The following ICAM2 variants were observed in gnomAD, a reference collection of about 807,000 sequenced individuals.
ICAM2 encodes intercellular adhesion molecule 2.
A neutral mutation model predicts 19.1 loss-of-function variants in ICAM2; 14 were observed. The ratio of observed to expected loss-of-function variants is 0.73; its 90% CI spans 0.48 to 1.15. ICAM2 has a LOEUF of 1.15. Ranked by LOEUF, ICAM2 falls within the 50% of genes most tolerant of loss-of-function variation. The pLI is 0.00. For missense variants in ICAM2, 311 were observed against 355.4 expected (o/e 0.88, Z 1.00); for synonymous variants, 153 against 152.7 (o/e 1.00, Z -0.01).
Position 64,003,872 on chromosome 17 carries a change from G to C in ICAM2, c.421C>G (p.Pro141Ala), listed in dbSNP as rs770462917. ...AGGAAGAGGGTGAGGCTGTCCAGGG[G>C]CTCCACGGTGGGCACCCTGCACTCA... is the stretch of plus-strand genomic sequence containing the variant. ...TIECRVPTVE[P>A]LDSLTLFLFR... The change falls in exon 4 of 5, where the codon CCC (proline) becomes GCC (alanine). Residue 141 changes from proline (P) to alanine (A), a missense_variant. Coordinates refer to ENST00000579788, the MANE Select transcript of ICAM2 (RefSeq NM_001099789.2). 1.2e-6 allele frequency: 2 copies of C among 1,614,220 alleles called. No homozygotes were observed. Among genetic ancestry groups the C allele is most frequent in the Non-Finnish European group, 1.7e-6 (2 of 1,180,024 alleles).
At chr17:64,018,315 C>T (rs1262566101) in intron 1 of ICAM2, among the ~76,000 whole-genome samples, 10 of 102,740 alleles carry the variant, frequency 9.7e-5, no homozygotes, top group Admixed American at 3.3e-4. Flanking sequence ...GCCTGGGTGA[C>T]AGAGTGAGAC....
Position 64,002,685 on chromosome 17 carries a change from C to T in ICAM2, c.*62G>A, listed in dbSNP as rs772776029. The T allele has an allele frequency of 6.7e-6, 10 of 1,490,502 alleles. No individual in the cohort carries two copies. Among genetic ancestry groups the T allele is most frequent in the Non-Finnish European group, 9.2e-6 (10 of 1,087,028 alleles). The allele number at this position is 1,490,502 out of a possible 1,614,324, so 92.3% of individuals were successfully genotyped here. On this transcript the variant is annotated 3_prime_UTR_variant, in exon 5 of 5. Coordinates refer to ENST00000579788, the MANE Select transcript of ICAM2 (RefSeq NM_001099789.2). ...TCCTTCAGCCAGGGCTGGACCTCAA[C>T]CCTGAGGAGTCACACTGAGTTCCAG...
chr17:64,014,414 A>G lies in ICAM2; in HGVS notation c.-45+6109T>C, dbSNP rs1180699756. The stretch of plus-strand genomic sequence containing the variant: ...AAGGAAGGAAGGAAGGAAGAGAAAG[A>G]GAAAGAAAGGAAGGAAGGAAGGAAG... On this transcript the variant is annotated intron_variant, in intron 1 of 4. Coordinates refer to ENST00000579788, the MANE Select transcript of ICAM2 (RefSeq NM_001099789.2). Among the ~76,000 whole-genome samples, 41 of 121,084 alleles carry G rather than the reference A, an allele frequency of 3.4e-4. 1 individual carries two copies. The East Asian group carries it at 8.5e-3, about 25-fold the overall frequency. The allele number at this position is 121,084 out of a possible 152,430, so 79.4% of individuals were successfully genotyped here. A position where few individuals can be genotyped will look rare whatever the true frequency, so the allele number is the denominator to read the frequency against.
At chr17:64,008,662 C>T (rs921866951) in intron 1 of ICAM2, among the ~76,000 whole-genome samples, 16 of 152,100 alleles carry the variant, frequency 1.1e-4, no homozygotes, top group African/African-American at 2.9e-4. Context: ...TGTTGAAGCC[C>T]GCCCGAGCAG....
intron 1 of ICAM2, among the ~76,000 whole-genome samples, chr17:64,009,719 T>C (rs996880935): frequency 6.6e-6 from 1 of 152,144 alleles, no homozygotes; most frequent in Admixed American, 6.5e-5. Flanking sequence ...TGCTTCCTCA[T>C]AGTTGCTCGG....
chr17:64,006,316 G>A (rs764330955), intron 2 of ICAM2: 1 of 262,446 alleles, frequency 3.8e-6, no homozygotes, highest in Non-Finnish European at 7.2e-6. Flanking sequence ...CCAGGAGTTC[G>A]AGACCAGCCC....
chr17:64,009,063 G>C (rs780256163), intron 1 of ICAM2, among the ~76,000 whole-genome samples: 1 of 152,178 alleles, frequency 6.6e-6, no homozygotes, highest in East Asian at 1.9e-4. Context: ...TATTCTAACC[G>C]TTGACACATC....
intron 1 of ICAM2, among the ~76,000 whole-genome samples, chr17:64,011,021 A>C (rs973937953): frequency 2.0e-5 from 3 of 152,178 alleles, no homozygotes; most frequent in Non-Finnish European, 4.4e-5. Context: ...ATAGCAAGAA[A>C]AAAAAACACA....
intron 1 of ICAM2, among the ~76,000 whole-genome samples, chr17:64,020,073 C>T (rs964704803): frequency 2.6e-5 from 4 of 152,028 alleles, no homozygotes; most frequent in South Asian, 2.1e-4. Flanking sequence ...AAGACCCCCT[C>T]GAACCGAGGC....
intron 3 of ICAM2, chr17:64,004,168 C>T (rs908188465): frequency 5.9e-5 from 33 of 556,902 alleles, no homozygotes; most frequent in Middle Eastern, 4.6e-4. Context: ...TGATGGTTTC[C>T]GGTGACCAGG....
chr17:64,015,238 C>A (rs1911676131), intron 1 of ICAM2, among the ~76,000 whole-genome samples: 6 of 151,978 alleles, frequency 3.9e-5, no homozygotes, highest in Admixed American at 3.9e-4. Flanking sequence ...GAAGTGTACA[C>A]TTAAAAATGG....
At chr17:64,005,574 C>T (rs1032741367) in intron 2 of ICAM2, among the ~76,000 whole-genome samples, 1 of 152,148 alleles carries the variant, frequency 6.6e-6, no homozygotes, top group Non-Finnish European at 1.5e-5. Flanking sequence ...CTCCCTGCCT[C>T]TGGCTGTCCT....
intron 1 of ICAM2, among the ~76,000 whole-genome samples, chr17:64,013,994 T>C (rs956285807): frequency 1.3e-5 from 2 of 151,986 alleles, no homozygotes; most frequent in Non-Finnish European, 2.9e-5. Context: ...AGAAGATGAG[T>C]TTTAAAACGC....
chr17:64,005,028 A>G (rs1368053273), intron 3 of ICAM2, 79 bp downstream of exon 3: 5 of 1,528,846 alleles, frequency 3.3e-6, no homozygotes. Flanking sequence ...AGGAGCAGGC[A>G]CAGAGGGGCT....
chr17:64,003,973 G>C lies in ICAM2; in HGVS notation c.329-9C>G. The stretch of plus-strand genomic sequence containing the variant: ...GACCTGCCTTGGAGGCTCTGCAGGG[G>C]ACAAAGGAGGGAGGTCTGGTCAGGA... On this transcript the variant is annotated splice_polypyrimidine_tract_variant and intron_variant, in intron 3 of 4. Transcript: ENST00000579788. The C allele has an allele frequency of 6.3e-7, 1 of 1,598,854 alleles. No individual in the cohort carries two copies. Among genetic ancestry groups the C allele is most frequent in the Non-Finnish European group, 8.5e-7 (1 of 1,172,458 alleles).
At position 64,006,623 on chromosome 17, in the gene ICAM2, T is replaced by A. The variant is rs1389253431; in HGVS notation, c.61+8A>T. 5 of 1,613,600 alleles carry A rather than the reference T, an allele frequency of 3.1e-6. No individual in the cohort carries two copies. Among genetic ancestry groups the A allele is most frequent in the Non-Finnish European group, 4.2e-6 (5 of 1,179,566 alleles). ...TGCCAAATCAGGAACCCCAGGAAAC[T>A]GGCTTACCTGGACAGCAGATCAGGG... is the stretch of plus-strand genomic sequence containing the variant. On this transcript the variant is annotated splice_region_variant and intron_variant, in intron 2 of 4. Coordinates refer to ENST00000579788, the MANE Select transcript of ICAM2 (RefSeq NM_001099789.2).
chr17:64,006,733 T>C lies in ICAM2; in HGVS notation c.-42A>G. 4 of 1,594,588 alleles carry C rather than the reference T, an allele frequency of 2.5e-6. No homozygotes were observed. Among genetic ancestry groups the C allele is most frequent in the Non-Finnish European group, 3.4e-6 (4 of 1,162,650 alleles). ...GGGCTCGCAGGGACCAGCCAAGGGC[T>C]GCCTGGAGGGAGATGGTGGGCGCAG... On this transcript the variant is annotated splice_region_variant and 5_prime_UTR_variant, in exon 2 of 5. Transcript: ENST00000579788.
intron 1 of ICAM2, 133 bp from the exon 2 acceptor site, chr17:64,006,868 CCCAGG>C (rs1261616802): frequency 1.6e-6 from 1 of 616,108 alleles, no homozygotes; most frequent in African/African-American, 1.9e-5. Flanking sequence ...GTTCTAGGAC[CCCAGG>C]CCTCTAAGAA....
intron 1 of ICAM2, among the ~76,000 whole-genome samples, chr17:64,019,968 C>T (rs993685735): frequency 6.6e-6 from 1 of 151,826 alleles, no homozygotes; most frequent in African/African-American, 2.4e-5. Flanking sequence ...TATGCGTTAC[C>T]TAGTAAATTT....
Sources: allele counts gnomAD v4.1 joint callset (sites outside exome capture counted in the v4.1 genomes callset), GRCh38; gene constraint gnomAD v4.1.1; transcripts MANE v1.5; gene names NCBI Gene and HGNC (gene_info 2026-07-23, HGNC 2026-07-21).